RBFOX1: variants seen among roughly 807,000 people sequenced by gnomAD.
RBFOX1 encodes the protein RNA binding fox-1 homolog 1.
Under a neutral mutation model 57.7 loss-of-function variants are expected in RBFOX1, and 8 were observed. The observed-to-expected ratio is 0.14, with a 90% confidence interval of 0.08 to 0.25. RBFOX1 has a LOEUF of 0.25. RBFOX1 is among the 10% of genes least tolerant of loss of function. RBFOX1 has a pLI of 1.00. For missense variants in RBFOX1, 611 were observed against 548.5 expected (o/e 1.11, Z -1.14); for synonymous variants, 326 against 222.4 (o/e 1.47, Z -4.15).
chr16:7,645,020 C>T (rs546249845), intron 11 of RBFOX1, among the ~76,000 whole-genome samples: 14 of 152,202 alleles, frequency 9.2e-5, no homozygotes, highest in South Asian at 4.1e-4. Flanking sequence ...ATCTTATTCC[C>T]GAAGTCTAGC....
intron 3 of RBFOX1, among the ~76,000 whole-genome samples, chr16:5,741,427 G>C (rs2052765745): frequency 6.6e-6 from 1 of 152,074 alleles, no homozygotes; most frequent in South Asian, 2.1e-4. Context: ...CCTCATTAAA[G>C]TGGATGTGAT....
rs145712853 is a variant in RBFOX1 at position 7,531,927 on chromosome 16, G to T, written c.270+13538G>T. 7.9e-3 allele frequency among the ~76,000 whole-genome samples: 1,195 copies of T among 152,130 alleles called. 72 individuals are homozygous for T. Among genetic ancestry groups the T allele is most frequent in the Admixed American group, 0.072 (1,103 of 15,274 alleles). Reference sequence around the variant, plus strand: ...CCATCCCCTTCCCCAGTGGCATCCAGTGGCCCCATAGAGTGAAAGAGGCCT... The same window carrying T: ...CCATCCCCTTCCCCAGTGGCATCCATTGGCCCCATAGAGTGAAAGAGGCCT... On this transcript the variant is annotated intron_variant, in intron 5 of 15. Coordinates refer to ENST00000550418, the MANE Select transcript of RBFOX1 (RefSeq NM_018723.4).
chr16:7,518,341 G>A lies in RBFOX1; in HGVS notation c.222G>A (p.Glu74=). ...ACCCTCCCGCCCAGACGCACTCCGA[G>A]CAGAGCCCGGCGGACACGAGCGCTC... ...NLYPPAQTHS[E]QSPADTSAQT... is the part of the protein sequence containing the mutation. Residue 74 remains glutamate (E), a synonymous_variant, in exon 5 of 16, where the codon GAG becomes GAA. Coordinates refer to ENST00000550418, the MANE Select transcript of RBFOX1 (RefSeq NM_018723.4). 1 of 1,613,714 alleles carries A rather than the reference G, an allele frequency of 6.2e-7. No individual in the cohort carries two copies. Among genetic ancestry groups the A allele is most frequent in the Middle Eastern group, 1.6e-4 (1 of 6,062 alleles).
chr16:6,380,000 C>G (rs2091627762), intron 2 of RBFOX1, among the ~76,000 whole-genome samples: 2 of 152,144 alleles, frequency 1.3e-5, no homozygotes, highest in African/African-American at 4.8e-5. Flanking sequence ...CAGGAAGGGA[C>G]ACCTTCCCTG....
intron 1 of RBFOX1, among the ~76,000 whole-genome samples, chr16:6,193,415 TATATATATATAA>T (rs1254491710): frequency 8.4e-6 from 1 of 119,238 alleles, no homozygotes; most frequent in African/African-American, 3.1e-5. Flanking sequence ...TATATATATA[TATATATATATAA>T]AATTCAGTGA....
At chr16:7,327,089 A>C (rs957947168) in intron 4 of RBFOX1, among the ~76,000 whole-genome samples, 3 of 152,174 alleles carry the variant, frequency 2.0e-5, no homozygotes, top group Non-Finnish European at 4.4e-5. Flanking sequence ...TGCTGAAATG[A>C]CTTTCGGACA....
chr16:7,293,917 G>A (rs939558094), intron 4 of RBFOX1, among the ~76,000 whole-genome samples: 7 of 152,128 alleles, frequency 4.6e-5, no homozygotes, highest in Non-Finnish European at 7.3e-5. Context: ...TCCAGGTCAA[G>A]GTGGATTAAT....
intron 1 of RBFOX1, among the ~76,000 whole-genome samples, chr16:6,139,142 A>C (rs1310353476): frequency 1.3e-5 from 2 of 152,086 alleles, no homozygotes; most frequent in African/African-American, 4.8e-5. Flanking sequence ...TGTGAGCTTT[A>C]TGTGAATTAA....
chr16:6,629,895 C>G (rs570041583), intron 2 of RBFOX1, among the ~76,000 whole-genome samples: 1 of 149,650 alleles, frequency 6.7e-6, no homozygotes, highest in South Asian at 2.1e-4. Flanking sequence ...AGGACCTGGA[C>G]TAACTCATTT....
At chr16:6,717,644 C>G (rs1038544199) in intron 3 of RBFOX1, among the ~76,000 whole-genome samples, 3 of 151,452 alleles carry the variant, frequency 2.0e-5, no homozygotes, top group African/African-American at 7.3e-5. Context: ...TGGATCGACT[C>G]TCTGTCAGCT....
At chr16:6,668,857 T>C (rs2098748073) in intron 3 of RBFOX1, among the ~76,000 whole-genome samples, 1 of 152,200 alleles carries the variant, frequency 6.6e-6, no homozygotes, top group East Asian at 1.9e-4. Flanking sequence ...TTCTTTAAAC[T>C]CTGAATTAAA....
At chr16:7,413,148 C>T (rs187675062) in intron 4 of RBFOX1, among the ~76,000 whole-genome samples, 6 of 152,112 alleles carry the variant, frequency 3.9e-5, no homozygotes, top group Admixed American at 3.9e-4. Context: ...AAATGTAGGT[C>T]ACAAGCCTCC....
intron 2 of RBFOX1, among the ~76,000 whole-genome samples, chr16:6,627,749 T>A (rs1157131532): frequency 2.6e-5 from 4 of 151,552 alleles, no homozygotes; most frequent in Non-Finnish European, 5.9e-5. Flanking sequence ...GGAGGGAGGG[T>A]GGAGATTTGG....
intron 5 of RBFOX1, among the ~76,000 whole-genome samples, chr16:7,569,454 T>A (rs925341622): frequency 2.0e-5 from 3 of 152,196 alleles, no homozygotes; most frequent in African/African-American, 7.2e-5. Context: ...GGGTGTTCAC[T>A]CTGACATTGG....
chr16:5,737,416 G>T (rs569738457), intron 3 of RBFOX1, among the ~76,000 whole-genome samples: 1 of 152,214 alleles, frequency 6.6e-6, no homozygotes, highest in African/African-American at 2.4e-5. Context: ...AACCTAGGAG[G>T]TGGAGGTTGC....
intron 1 of RBFOX1, among the ~76,000 whole-genome samples, chr16:5,443,991 G>A (rs1320595736): frequency 6.6e-6 from 1 of 152,102 alleles, no homozygotes; most frequent in Admixed American, 6.5e-5. Context: ...ATTTCATCTT[G>A]TAATACGTTA....
chr16:6,041,085 A>T lies in RBFOX1; in HGVS notation c.-127+21093A>T, dbSNP rs550300444. ...TAGAGAATAGTTTCCCTGCTGTAAAAGTCTCCTGTACTTCACTTATTCTTC... is the reference window on the plus strand; with the variant it reads ...TAGAGAATAGTTTCCCTGCTGTAAATGTCTCCTGTACTTCACTTATTCTTC... On this transcript the variant is annotated intron_variant, in intron 1 of 15. Coordinates refer to ENST00000550418, the MANE Select transcript of RBFOX1 (RefSeq NM_018723.4). Among the ~76,000 whole-genome samples, 218 of 152,286 alleles carry T rather than the reference A, an allele frequency of 1.4e-3. 1 individual carries two copies. Among genetic ancestry groups the T allele is most frequent in the African/African-American group, 5.1e-3 (211 of 41,548 alleles).
chr16:7,014,614 C>T (rs185755523), intron 3 of RBFOX1, among the ~76,000 whole-genome samples: 1 of 152,052 alleles, frequency 6.6e-6, no homozygotes, highest in Non-Finnish European at 1.5e-5. Context: ...TGCAAAAATA[C>T]ATTTAAAAGG....
intron 15 of RBFOX1, chr16:7,709,401 T>G: frequency 3.1e-6 from 4 of 1,270,540 alleles, no homozygotes; most frequent in Non-Finnish European, 4.2e-6. Flanking sequence ...ATTAGTCATT[T>G]TGATAATTAA....
Sources: gnomAD v4.1 joint callset for allele counts (sites outside exome capture counted in the v4.1 genomes callset) on GRCh38, gnomAD v4.1.1 for gene constraint, MANE v1.5 for transcripts, NCBI Gene and HGNC (gene_info 2026-07-23, HGNC 2026-07-21) for gene names.